TECTA: variants seen among roughly 807,000 people sequenced by gnomAD.
TECTA encodes tectorin alpha, also known as alpha-tectorin.
Under a neutral mutation model 216.8 loss-of-function variants are expected in TECTA, and 128 were observed. The ratio of observed to expected loss-of-function variants is 0.59; its 90% CI spans 0.51 to 0.68. The LOEUF (loss-of-function observed/expected upper bound fraction) is 0.68. Among genes scored for constraint, TECTA ranks in the 30% least tolerant of loss-of-function variants. TECTA has a pLI of 0.00. For missense variants in TECTA, 2,551 were observed against 2,786.2 expected (o/e 0.92, Z 1.90); for synonymous variants, 1,089 against 1,117.1 (o/e 0.97, Z 0.50).
chr11:121,162,643 T>G (rs1947013335), intron 16 of TECTA, among the ~76,000 whole-genome samples: 1 of 152,194 alleles, frequency 6.6e-6, no homozygotes, highest in African/African-American at 2.4e-5. Flanking sequence ...GAGCCCTGGT[T>G]AGTGGCTTAT....
intron 10 of TECTA, among the ~76,000 whole-genome samples, chr11:121,136,818 A>C (rs1323387922): frequency 1.3e-5 from 2 of 152,210 alleles, no homozygotes; most frequent in Non-Finnish European, 2.9e-5. Flanking sequence ...AGATTTATTT[A>C]AATCATTGAA....
intron 7 of TECTA, 30 bp from the exon 8 acceptor site, chr11:121,125,272 C>T (rs774113836): frequency 1.9e-6 from 3 of 1,605,354 alleles, no homozygotes; most frequent in African/African-American, 1.3e-5. Context: ...CACCTGCTCA[C>T]CTGCCTTTCA....
intron 4 of TECTA, among the ~76,000 whole-genome samples, chr11:121,112,530 T>C (rs546431109): frequency 7.2e-5 from 11 of 152,314 alleles, no homozygotes; most frequent in African/African-American, 2.4e-4. Context: ...AGAAAGTGCT[T>C]TTTAAAAATC....
chr11:121,162,006 G>A, intron 15 of TECTA, 69 bp from the exon 16 acceptor site: 2 of 1,605,122 alleles, frequency 1.2e-6, no homozygotes, highest in Non-Finnish European at 1.7e-6. Flanking sequence ...TAGCAAAACA[G>A]GTACAGATGC....
In TECTA at chr11:121,189,061, C is replaced by G; in HGVS notation, c.6163-19C>G. ...AGCTTAATTGTGTGAAAATTTCCCC[C>G]TGGTATTCTGTCTTGCAGACTTGCC... On this transcript the variant is annotated intron_variant, in intron 21 of 23. Coordinates refer to ENST00000392793, the MANE Select transcript of TECTA (RefSeq NM_005422.4). 6.2e-7 allele frequency: 1 copy of G among 1,613,528 alleles called. No individual in the cohort carries two copies. Among genetic ancestry groups the G allele is most frequent in the Non-Finnish European group, 8.5e-7 (1 of 1,179,458 alleles).
At position 121,160,243 on chromosome 11, in the gene TECTA, T is replaced by C; in HGVS notation, c.4798T>C (p.Tyr1600His). 1 of 1,614,218 alleles carries C rather than the reference T, an allele frequency of 6.2e-7. No individual in the cohort carries two copies. Among genetic ancestry groups the C allele is most frequent in the Non-Finnish European group, 8.5e-7 (1 of 1,180,048 alleles). ...IDTSPDIQIY[Y>H]NGFNVIKISI... ...CACCAGCCCAGACATCCAGATATAC[T>C]ACAATGGTTTCAACGTCATTAAAAT... The change falls in exon 15 of 24, where the codon TAC (tyrosine) becomes CAC (histidine). Residue 1600 changes from tyrosine (Y) to histidine (H), a missense_variant. Physicochemically the swap from Tyr to His is moderately conservative, Grantham distance 83. This residue lies in a region of TECTA where 2,375 missense variants were observed against 2,563.9 expected (regional missense o/e 0.93). Coordinates refer to ENST00000392793, the MANE Select transcript of TECTA (RefSeq NM_005422.4).
At position 121,158,033 on chromosome 11, in the gene TECTA, G is replaced by T; in HGVS notation, c.4498G>T (p.Gly1500Cys). 1 of 1,613,134 alleles carries T rather than the reference G, an allele frequency of 6.2e-7. No homozygotes were observed. The highest frequency in any genetic ancestry group is 8.5e-7 in the Non-Finnish European group (1 of 1,179,954). The change falls in exon 14 of 24, where the codon GGC becomes TGC. Residue 1500 changes from glycine to cysteine, a missense_variant. Gly to Cys is a radical substitution (Grantham distance 159). Around this residue, in one of 3 missense-constraint regions of TECTA, gnomAD observed 2,375 missense variants for 2,563.9 expected, o/e 0.93. Coordinates refer to ENST00000392793, the MANE Select transcript of TECTA (RefSeq NM_005422.4). ...AGGGVFRTFD[G>C]AFLRFPANCA... ...CGGCGGCGTCTTCCGCACCTTCGAC[G>T]GCGCCTTCCTGCGCTTCCCAGCCAA...
chr11:121,125,371 A>G lies in TECTA; in HGVS notation c.1273A>G (p.Ile425Val). Residue 425 changes from isoleucine (I) to valine (V), a missense_variant, in exon 8 of 24, where the codon ATA (isoleucine) becomes GTA (valine). Physicochemically the swap from Ile to Val is conservative, Grantham distance 29 (BLOSUM62 3). This residue lies in a region of TECTA where 2,375 missense variants were observed against 2,563.9 expected (regional missense o/e 0.93). Transcript: ENST00000392793. Reference sequence around the variant, plus strand: ...GACAGTGAAAATCTACCAGAGTGGCATATCTACTGCCGTGGAAACAGATTT... The same window carrying G: ...GACAGTGAAAATCTACCAGAGTGGCGTATCTACTGCCGTGGAAACAGATTT... ...LGTVKIYQSG[I>V]STAVETDFGL... is the part of the protein sequence containing the mutation. 6.2e-7 allele frequency: 1 copy of G among 1,614,202 alleles called. No individual in the cohort carries two copies. The highest frequency in any genetic ancestry group is 8.5e-7 in the Non-Finnish European group (1 of 1,180,036).
At chr11:121,143,533 CA>C (rs1476603611) in intron 11 of TECTA, among the ~76,000 whole-genome samples, 1 of 152,224 alleles carries the variant, frequency 6.6e-6, no homozygotes, top group African/African-American at 2.4e-5. Flanking sequence ...TTGCTTTTAT[CA>C]CATGATATTG....
At chr11:121,125,248 A>G in intron 7 of TECTA, 54 bp from the exon 8 acceptor site, 1 of 1,566,890 alleles carries the variant, frequency 6.4e-7, no homozygotes, top group African/African-American at 1.3e-5. Context: ...CTCTGCTGGA[A>G]CCCAGTGCCT....
intron 16 of TECTA, among the ~76,000 whole-genome samples, chr11:121,163,686 A>G (rs1419354527): frequency 1.3e-5 from 2 of 152,228 alleles, no homozygotes; most frequent in Non-Finnish European, 2.9e-5. Flanking sequence ...ATTTAAAAAA[A>G]TACATATATC....
chr11:121,178,517 A>AGTGTGTGTGTGTGTGTGTGTGTGT (rs3222565), intron 20 of TECTA, among the ~76,000 whole-genome samples: 1 of 127,210 alleles, frequency 7.9e-6, no homozygotes, highest in Non-Finnish European at 1.7e-5. Context: ...GCTTGTAGTT[A>AGTGTGTGTGTGTGTGTGTGTGTGT]GTGTGTGTGT....
rs139118913 is a variant in TECTA at position 121,133,752 on chromosome 11, G to A, written c.2941+3541G>A. 7.1e-3 allele frequency among the ~76,000 whole-genome samples: 1,077 copies of A among 152,272 alleles called. 11 individuals are homozygous for A. The highest frequency in any genetic ancestry group is 0.025 in the African/African-American group (1,028 of 41,532). On this transcript the variant is annotated intron_variant, in intron 10 of 23. Coordinates refer to ENST00000392793, the MANE Select transcript of TECTA (RefSeq NM_005422.4). ...TTTCTCATGGAATCACAGCACACAC[G>A]GAAGCACGATCTTGTCCAGCCTCCC...
At position 121,113,094 on chromosome 11, in the gene TECTA, T is replaced by C; in HGVS notation, c.509T>C (p.Leu170Pro). Residue 170 changes from leucine (L) to proline (P), a missense_variant, in exon 5 of 24, where the codon CTA becomes CCA. Leu to Pro is a moderately conservative substitution (Grantham distance 98, BLOSUM62 -3). Coordinates refer to ENST00000392793, the MANE Select transcript of TECTA (RefSeq NM_005422.4). The surrounding 1 kb of genome is among the most constrained non-coding windows in gnomAD (Gnocchi z 4.2). ...TTPVNTFQAV[L>P]VSDGSYTFTL... ...TAGGTGAACACCTTCCAGGCCGTCCTAGTGTCCGATGGCTCCTATACATTC... is the reference window on the plus strand; with the variant it reads ...TAGGTGAACACCTTCCAGGCCGTCCCAGTGTCCGATGGCTCCTATACATTC... 1 of 1,614,100 alleles carries C rather than the reference T, an allele frequency of 6.2e-7. No individual in the cohort carries two copies. The highest frequency in any genetic ancestry group is 8.5e-7 in the Non-Finnish European group (1 of 1,180,006).
Position 121,166,730 on chromosome 11 carries a change from A to G in TECTA, c.5536A>G (p.Ile1846Val), listed in dbSNP as rs763349346. Residue 1846 changes from isoleucine to valine, a missense_variant, in exon 18 of 24, where the codon ATC (isoleucine) becomes GTC (valine). This residue lies in a region of TECTA where 2,375 missense variants were observed against 2,563.9 expected (regional missense o/e 0.93). Transcript: ENST00000392793. ...QCTGIEGEDF[I>V]SFQINNTKGN... ...CACCGGCATCGAGGGGGAAGATTTTATCTCCTTTCAGATCAACAACACCAA... is the reference window on the plus strand; with the variant it reads ...CACCGGCATCGAGGGGGAAGATTTTGTCTCCTTTCAGATCAACAACACCAA... 1 of 1,614,222 alleles carries G rather than the reference A, an allele frequency of 6.2e-7. No homozygotes were observed. The highest frequency in any genetic ancestry group is 8.5e-7 in the Non-Finnish European group (1 of 1,180,032).
chr11:121,138,234 T>C (rs1946751157), intron 11 of TECTA, among the ~76,000 whole-genome samples: 1 of 152,328 alleles, frequency 6.6e-6, no homozygotes, highest in Admixed American at 6.5e-5. Context: ...CCAAGTCACA[T>C]ACACCAAGTT....
intron 20 of TECTA, among the ~76,000 whole-genome samples, chr11:121,172,418 T>C (rs1286456886): frequency 6.6e-6 from 1 of 151,800 alleles, no homozygotes; most frequent in Non-Finnish European, 1.5e-5. Context: ...AGTTCCCACC[T>C]ATGAGTGAGA....
chr11:121,169,033 G>A lies in TECTA; in HGVS notation c.5999+108G>A, dbSNP rs759786618. The A allele has an allele frequency of 9.6e-6, 15 of 1,559,000 alleles. No individual in the cohort carries two copies. In the African/African-American group the frequency reaches 1.6e-4, roughly 17 times the overall value. On this transcript the variant is annotated intron_variant, in intron 20 of 23. Transcript: ENST00000392793. The stretch of plus-strand genomic sequence containing the variant: ...ACTAATATTTGTTGGCTGCCTACAA[G>A]GCCAGAATTTTGCATTTATTAATTC...
In TECTA at chr11:121,131,213, CA is replaced by C. The variant is rs10683692; in HGVS notation, c.2941+1024del. Among the ~76,000 whole-genome samples, 453 of 70,778 alleles carry C rather than the reference CA, an allele frequency of 6.4e-3. 2 individuals carry two copies. The highest frequency in any genetic ancestry group is 8.1e-3 in the Non-Finnish European group (323 of 39,642). The allele number at this position is 70,778 out of a possible 152,430, so 46.4% of individuals were successfully genotyped here. A position where few individuals can be genotyped will look rare whatever the true frequency, so the allele number is the denominator to read the frequency against. ...TGGGCGACAGAGCAAGACTCCATCT[CA>C]AAAAAAAAAAAAAAAAAAAAAGGAT... On this transcript the variant is annotated intron_variant, in intron 10 of 23. Coordinates refer to ENST00000392793, the MANE Select transcript of TECTA (RefSeq NM_005422.4).
Sources: allele counts gnomAD v4.1 joint callset (sites outside exome capture counted in the v4.1 genomes callset), GRCh38; gene constraint gnomAD v4.1.1; regional missense constraint gnomAD v4.1.1; non-coding constraint Gnocchi (gnomAD v3.1); transcripts MANE v1.5; gene names NCBI Gene and HGNC (gene_info 2026-07-23, HGNC 2026-07-21).